Variants in SMPD3 observed in about 807,000 individuals in gnomAD.
SMPD3 encodes nSMase-2.
A neutral mutation model predicts 55.7 loss-of-function variants in SMPD3; 21 were observed. That is an observed-to-expected ratio of 0.38 (90% CI 0.27 to 0.54). The LOEUF is 0.54. SMPD3 is among the 20% of genes least tolerant of loss of function. The pLI is 0.80. For synonymous variants in SMPD3, 457 were observed against 404.3 expected (o/e 1.13, Z -1.56); for missense variants, 842 against 899.6 (o/e 0.94, Z 0.82).
intron 1 of SMPD3, among the ~76,000 whole-genome samples, chr16:68,411,132 A>G (rs1328582406): frequency 6.6e-6 from 1 of 152,276 alleles, no homozygotes; most frequent in East Asian, 1.9e-4. Flanking sequence ...GAGGGAGGGC[A>G]GCCTCCAGGC....
At chr16:68,385,116 G>A (rs2152000014) in intron 2 of SMPD3, among the ~76,000 whole-genome samples, 1 of 152,192 alleles carries the variant, frequency 6.6e-6, no homozygotes, top group East Asian at 1.9e-4. Context: ...TCACACTGGG[G>A]GTGCATTTAT....
intron 1 of SMPD3, among the ~76,000 whole-genome samples, chr16:68,411,329 C>T (rs1567803852): frequency 6.6e-6 from 1 of 152,244 alleles, no homozygotes; most frequent in African/African-American, 2.4e-5. Context: ...CCAGGTGTGG[C>T]GGCCACACTG....
At chr16:68,372,825 G>A (rs1414557744) in intron 2 of SMPD3, among the ~76,000 whole-genome samples, 1 of 152,220 alleles carries the variant, frequency 6.6e-6, no homozygotes, top group Non-Finnish European at 1.5e-5. Context: ...GGTCAGAGGA[G>A]CCACAAACAT....
intron 1 of SMPD3, among the ~76,000 whole-genome samples, chr16:68,441,677 C>T (rs2090566681): frequency 6.6e-6 from 1 of 151,946 alleles, no homozygotes; most frequent in Non-Finnish European, 1.5e-5. Context: ...TGCTTATGGC[C>T]CCATATTAGA....
Position 68,361,273 on chromosome 16 carries a change from G to T in SMPD3, c.1901C>A (p.Ser634Tyr), listed in dbSNP as rs147387314. The T allele has an allele frequency of 1.9e-6, 3 of 1,612,286 alleles. No individual in the cohort carries two copies. The highest frequency in any genetic ancestry group is 2.7e-5 in the African/African-American group (2 of 74,862). Residue 634 changes from serine (S) to tyrosine (Y), a missense_variant, in exon 9 of 9, where the codon TCC becomes TAC. Coordinates refer to ENST00000219334, the MANE Select transcript of SMPD3 (RefSeq NM_018667.4). ...VEEFSFITQL[S>Y]GLTDHLPVAM... ...TACTGGCAGGTGGTCCGTCAGGCCG[G>T]ACAGCTGGGTGATAAAACTGAATTC...
At chr16:68,378,362 C>A (rs140299137) in intron 2 of SMPD3, among the ~76,000 whole-genome samples, 28 of 152,250 alleles carry the variant, frequency 1.8e-4, no homozygotes, top group African/African-American at 6.0e-4. Context: ...GAAGCGGATG[C>A]CTTTCTGAGT....
At position 68,371,060 on chromosome 16, in the gene SMPD3, C is replaced by A. The variant is rs1399235867; in HGVS notation, c.1122G>T (p.Leu374Phe). The change falls in exon 3 of 9, where the codon TTG becomes TTT. Residue 374 changes from leucine to phenylalanine, a missense_variant. Leu to Phe is a conservative substitution (Grantham distance 22, BLOSUM62 0). Around this residue, in one of 2 missense-constraint regions of SMPD3, gnomAD observed 649 missense variants for 643.6 expected, o/e 1.01. Transcript: ENST00000219334. ...CGAAGTAGCCGTGCAGCTGCTCTTTCAATTTGGTGGCTGCTCGCTTGTCAA... is the reference window on the plus strand; with the variant it reads ...CGAAGTAGCCGTGCAGCTGCTCTTTAAATTTGGTGGCTGCTCGCTTGTCAA... Reference protein sequence around the residue: ...EVFDKRAATKLKEQLHGYFEY... With the variant: ...EVFDKRAATKFKEQLHGYFEY... The A allele has an allele frequency of 6.2e-7, 1 of 1,614,230 alleles. No homozygotes were observed. The highest frequency in any genetic ancestry group is 8.5e-7 in the Non-Finnish European group (1 of 1,180,040).
At chr16:68,375,195 C>G (rs1045587050) in intron 2 of SMPD3, among the ~76,000 whole-genome samples, 1 of 152,034 alleles carries the variant, frequency 6.6e-6, no homozygotes, top group East Asian at 1.9e-4. Context: ...CAGACACAGC[C>G]GATTCTCTCT....
intron 1 of SMPD3, among the ~76,000 whole-genome samples, chr16:68,391,500 T>C (rs1041209111): frequency 1.3e-5 from 2 of 152,282 alleles, no homozygotes; most frequent in East Asian, 1.9e-4. Flanking sequence ...TCTCTGAGCA[T>C]TGGGTTTCTA....
intron 2 of SMPD3, among the ~76,000 whole-genome samples, chr16:68,377,691 T>C (rs1011958675): frequency 3.3e-5 from 5 of 152,208 alleles, no homozygotes; most frequent in Non-Finnish European, 7.3e-5. Flanking sequence ...CCAGGACCTC[T>C]GCTACTGGAC....
intron 7 of SMPD3, among the ~76,000 whole-genome samples, chr16:68,362,569 A>G (rs2089337787): frequency 6.6e-6 from 1 of 152,220 alleles, no homozygotes; most frequent in South Asian, 2.1e-4. Context: ...AGGGCCTGGG[A>G]TGGCAAGTGC....
chr16:68,367,424 G>T (rs2151977854), intron 3 of SMPD3: 1 of 126,938 alleles, frequency 7.9e-6, no homozygotes, highest in Admixed American at 8.2e-5. Flanking sequence ...CTTCCAGTCG[G>T]ATCTGTTTGT....
chr16:68,399,437 TGGATG>T (rs2090188115), intron 1 of SMPD3, among the ~76,000 whole-genome samples: 1 of 152,170 alleles, frequency 6.6e-6, no homozygotes, highest in South Asian at 2.1e-4. Context: ...CCACAGGCCT[TGGATG>T]TAAAGAGAAC....
At chr16:68,432,154 T>C (rs866312153) in intron 1 of SMPD3, among the ~76,000 whole-genome samples, 24 of 152,146 alleles carry the variant, frequency 1.6e-4, no homozygotes, top group Admixed American at 5.9e-4. Context: ...AACAGAATTT[T>C]CTTTACAATA....
At chr16:68,370,709 T>C (rs2089636423) in intron 3 of SMPD3, 150 bp downstream of exon 3, 4 of 1,037,720 alleles carry the variant, frequency 3.9e-6, no homozygotes, top group Non-Finnish European at 5.5e-6. Context: ...GGCCCTGCTG[T>C]TTGGCTCCAG....
At chr16:68,368,710 A>G (rs765543728) in intron 3 of SMPD3, 1 of 152,458 alleles carries the variant, frequency 6.6e-6, no homozygotes, top group Non-Finnish European at 1.5e-5. Context: ...GGTCTGGGCC[A>G]GGACAAAGCA....
chr16:68,392,829 G>C (rs1597640417), intron 1 of SMPD3, among the ~76,000 whole-genome samples: 1 of 37,352 alleles, frequency 2.7e-5, no homozygotes, highest in Admixed American at 3.4e-4. Context: ...ATGAGACGCT[G>C]TCTGGGAAAA....
chr16:68,441,045 T>C (rs1285584658), intron 1 of SMPD3, among the ~76,000 whole-genome samples: 1 of 152,226 alleles, frequency 6.6e-6, no homozygotes, highest in Non-Finnish European at 1.5e-5. Context: ...TAGTAATAAA[T>C]CTTTTGCTTG....
At chr16:68,416,198 G>T (rs886642713) in intron 1 of SMPD3, among the ~76,000 whole-genome samples, 1 of 152,194 alleles carries the variant, frequency 6.6e-6, no homozygotes, top group Non-Finnish European at 1.5e-5. Flanking sequence ...GTGTGCCAGC[G>T]CTTCCTGCTG....
Sources: allele counts gnomAD v4.1 joint callset (sites outside exome capture counted in the v4.1 genomes callset), GRCh38; gene constraint gnomAD v4.1.1; regional missense constraint gnomAD v4.1.1; transcripts MANE v1.5; gene names NCBI Gene and HGNC (gene_info 2026-07-23, HGNC 2026-07-21).